FRMPD4: variants seen among roughly 807,000 people sequenced by gnomAD.
FRMPD4 encodes the protein FERM and PDZ domain-containing protein 4.
Under a neutral mutation model 94.1 loss-of-function variants are expected in FRMPD4, and 22 were observed. That is an observed-to-expected ratio of 0.23 (90% CI 0.17 to 0.33). The LOEUF (loss-of-function observed/expected upper bound fraction) is 0.33, where lower values mean the gene tolerates loss of function less well. Ranked by LOEUF, FRMPD4 falls within the 10% of genes least tolerant of loss-of-function variation. The pLI is 1.00. For synonymous variants in FRMPD4, 631 were observed against 548.6 expected (o/e 1.15, Z -2.10); for missense variants, 1,111 against 1,339.9 (o/e 0.83, Z 2.67).
chrX:12,176,829 C>G (rs1003105430), intron 1 of FRMPD4, among the ~76,000 whole-genome samples: 20 of 111,727 alleles, frequency 1.8e-4, no homozygotes, highest in Non-Finnish European at 3.6e-4. Flanking sequence ...AAAAGGTAAA[C>G]CATTAGATGA....
chrX:12,028,502 A>G (rs1390531776), intron 3 of FRMPD4, among the ~76,000 whole-genome samples: 1 of 109,871 alleles, frequency 9.1e-6, no homozygotes, highest in African/African-American at 3.3e-5. Flanking sequence ...CCCAAAGCCT[A>G]TGTTTTATAT....
chrX:12,477,294 G>A (rs998284439), intron 1 of FRMPD4, among the ~76,000 whole-genome samples: 18 of 110,913 alleles, frequency 1.6e-4, no homozygotes, highest in Non-Finnish European at 3.2e-4. Context: ...ATCACACACC[G>A]GGGCCTGTTG....
At chrX:11,962,366 C>T (rs1218376587) in intron 3 of FRMPD4, among the ~76,000 whole-genome samples, 7 of 111,645 alleles carry the variant, frequency 6.3e-5, no homozygotes, top group Non-Finnish European at 1.3e-4. Flanking sequence ...CTAGGATGCT[C>T]CCTTCAATGT....
chrX:11,850,441 A>G (rs756597945), intron 1 of FRMPD4, among the ~76,000 whole-genome samples: 1 of 112,363 alleles, frequency 8.9e-6, no homozygotes, highest in South Asian at 3.7e-4. Flanking sequence ...TAGCAAATCT[A>G]CTTCGGGGTT....
intron 3 of FRMPD4, among the ~76,000 whole-genome samples, chrX:11,926,135 T>C (rs1450629727): frequency 9.2e-6 from 1 of 108,825 alleles, no homozygotes; most frequent in African/African-American, 3.4e-5. Flanking sequence ...CTAGAAAATT[T>C]AGAAGAAATG....
intron 1 of FRMPD4, chrX:12,375,011 T>C (rs747961878): frequency 1.8e-5 from 2 of 112,622 alleles, no homozygotes; most frequent in South Asian, 7.4e-4. Context: ...TTCTGTTTCA[T>C]TGGTCTTAGA....
At chrX:11,952,760 G>T (rs749650175) in intron 3 of FRMPD4, among the ~76,000 whole-genome samples, 1 of 112,064 alleles carries the variant, frequency 8.9e-6, no homozygotes, top group Non-Finnish European at 1.9e-5. Context: ...GCTGCCTTGG[G>T]CAGTGTGGTT....
intron 2 of FRMPD4, among the ~76,000 whole-genome samples, chrX:12,573,627 G>A (rs968150357): frequency 2.7e-5 from 3 of 112,404 alleles, no homozygotes; most frequent in South Asian, 3.7e-4. Context: ...GTCACTTAAC[G>A]GGGGTCCATA....
At chrX:12,143,038 A>G (rs2055713577) in intron 1 of FRMPD4, among the ~76,000 whole-genome samples, 2 of 112,444 alleles carry the variant, frequency 1.8e-5, no homozygotes, top group African/African-American at 3.2e-5. Flanking sequence ...AATGTACATT[A>G]TTGGTGAACT....
intron 3 of FRMPD4, among the ~76,000 whole-genome samples, chrX:11,886,734 CT>C (rs11328004): frequency 0.24 from 26,106 of 106,806 alleles, 2,828 homozygotes; most frequent in East Asian, 0.6. Flanking sequence ...GTAATCGTGA[CT>C]TTTTTTTTTA....
At chrX:12,227,611 G>A (rs962599470) in intron 1 of FRMPD4, among the ~76,000 whole-genome samples, 1 of 111,142 alleles carries the variant, frequency 9.0e-6, no homozygotes, top group African/African-American at 3.3e-5. Context: ...GGCCAGCCTG[G>A]GCAACATAGT....
intron 2 of FRMPD4, among the ~76,000 whole-genome samples, chrX:12,513,624 A>C (rs754231607): frequency 2.4e-4 from 27 of 111,942 alleles, no homozygotes; most frequent in Non-Finnish European, 3.8e-4. Context: ...CCGTAGCCTT[A>C]CAATATAGTT....
chrX:12,413,394 T>C (rs148837154), intron 1 of FRMPD4, among the ~76,000 whole-genome samples: 1 of 112,360 alleles, frequency 8.9e-6, no homozygotes, highest in African/African-American at 3.2e-5. Flanking sequence ...AATCTTTGTA[T>C]TGGGGTCTCC....
chrX:11,952,287 C>T (rs1397633827), intron 3 of FRMPD4, among the ~76,000 whole-genome samples: 1 of 112,085 alleles, frequency 8.9e-6, no homozygotes. Flanking sequence ...AAGAAGCAGG[C>T]TCCTTCCCAG....
At chrX:12,683,701 G>A (rs2059994612) in intron 6 of FRMPD4, 114 bp downstream of exon 6, 1 of 444,345 alleles carries the variant, frequency 2.3e-6, no homozygotes, top group Non-Finnish European at 4.0e-6. Flanking sequence ...ATTGGTTGTT[G>A]GTTTTTACAG....
intron 2 of FRMPD4, among the ~76,000 whole-genome samples, chrX:12,517,747 G>T (rs1043038221): frequency 1.8e-5 from 2 of 112,397 alleles, no homozygotes; most frequent in Non-Finnish European, 3.8e-5. Flanking sequence ...GGGGTGTGCC[G>T]CACTGGGGGG....
chrX:12,062,551 G>A (rs1221081864), intron 3 of FRMPD4, among the ~76,000 whole-genome samples: 6 of 110,841 alleles, frequency 5.4e-5, no homozygotes, highest in Admixed American at 9.6e-5. Flanking sequence ...GTACAGTGGC[G>A]CAATCTCGGC....
At position 12,704,478 on chromosome X, in the gene FRMPD4, G is replaced by A; in HGVS notation, c.1190G>A (p.Gly397Asp). Residue 397 changes from glycine (G) to aspartate (D), a missense_variant, in exon 11 of 17, where the codon GGT (glycine) becomes GAT (aspartate). Physicochemically the swap from Gly to Asp is moderately conservative, Grantham distance 94 (BLOSUM62 -1). Around this residue, in one of 8 missense-constraint regions of FRMPD4, gnomAD observed 111 missense variants for 160.7 expected, o/e 0.69. Coordinates refer to ENST00000675598, the MANE Select transcript of FRMPD4 (RefSeq NM_001368397.1). ...GCAAATCAAAACTTGGTACCACCGG[G>A]TAAAAAGGTATCACATTTCCATCTT... ...VKANQNLVPP[G>D]KKLSALQAKV... 8.6e-7 allele frequency: 1 copy of A among 1,163,129 alleles called. No individual in the cohort carries two copies. The highest frequency in any genetic ancestry group is 1.2e-6 in the Non-Finnish European group (1 of 865,764).
At chrX:12,253,194 T>C (rs1217240249) in intron 1 of FRMPD4, among the ~76,000 whole-genome samples, 1 of 111,639 alleles carries the variant, frequency 9.0e-6, no homozygotes. Context: ...TTCTTAAAGG[T>C]AGAACCAACA....
Sources: gnomAD v4.1 joint callset for allele counts (sites outside exome capture counted in the v4.1 genomes callset) on GRCh38, gnomAD v4.1.1 for gene constraint, gnomAD v4.1.1 regional missense constraint, MANE v1.5 for transcripts, NCBI Gene and HGNC (gene_info 2026-07-23, HGNC 2026-07-21) for gene names.